Variants in PTPRT observed in about 807,000 individuals in gnomAD.
PTPRT encodes receptor-type tyrosine-protein phosphatase T.
Under a neutral mutation model 176.8 loss-of-function variants are expected in PTPRT, and 56 were observed. The observed-to-expected ratio is 0.32, with a 90% CI of 0.26 to 0.40. PTPRT has a LOEUF of 0.40. Among genes scored for constraint, PTPRT ranks in the 10% least tolerant of loss-of-function variants. The pLI is 1.00. For missense variants in PTPRT, 1,540 were observed against 1,908.2 expected (o/e 0.81, Z 3.60); for synonymous variants, 783 against 739.0 (o/e 1.06, Z -0.96).
intron 6 of PTPRT, among the ~76,000 whole-genome samples, chr20:42,745,077 G>A (rs1415609747): frequency 2.0e-5 from 3 of 152,188 alleles, no homozygotes; most frequent in East Asian, 1.9e-4. Flanking sequence ...ACCTTTTGCT[G>A]TATTTCCCTG....
At chr20:42,053,123 C>A in the PTPRT span, among the ~76,000 whole-genome samples, 1 of 152,122 alleles carries the variant, frequency 6.6e-6, no homozygotes, top group African/African-American at 2.4e-5. Context: ...TGAATTAGAG[C>A]TTGGGACCTG....
At chr20:42,677,676 C>A (rs2075529475) in intron 7 of PTPRT, among the ~76,000 whole-genome samples, 190 bp downstream of exon 7, 1 of 151,754 alleles carries the variant, frequency 6.6e-6, no homozygotes, top group South Asian at 2.1e-4. Context: ...GCAACCACAG[C>A]AAGAAGGTCC....
chr20:42,667,226 AG>A (rs1275739964), intron 7 of PTPRT, among the ~76,000 whole-genome samples: 6 of 152,174 alleles, frequency 3.9e-5, no homozygotes, highest in Admixed American at 1.3e-4. Flanking sequence ...AGAGCTTTGC[AG>A]CTGTGCAGTT....
chr20:42,559,741 C>A (rs2072919428), intron 7 of PTPRT, among the ~76,000 whole-genome samples: 1 of 152,184 alleles, frequency 6.6e-6, no homozygotes, highest in Non-Finnish European at 1.5e-5. Flanking sequence ...AATGTCAAAG[C>A]TGAAATAACC....
chr20:42,160,608 C>T (rs1989551400), intron 17 of PTPRT, among the ~76,000 whole-genome samples: 1 of 152,080 alleles, frequency 6.6e-6, no homozygotes, highest in South Asian at 2.1e-4. Context: ...GAGACCAGAA[C>T]CTTAGAAGGC....
chr20:42,057,130 T>C, the PTPRT span, among the ~76,000 whole-genome samples: 1 of 152,194 alleles, frequency 6.6e-6, no homozygotes, highest in African/African-American at 2.4e-5. Context: ...GACAGGCCCA[T>C]CCATGAAGGT....
At chr20:42,050,183 GA>G in the PTPRT span, among the ~76,000 whole-genome samples, 1 of 152,138 alleles carries the variant, frequency 6.6e-6, no homozygotes, top group South Asian at 2.1e-4. Flanking sequence ...GAGTGGGAGG[GA>G]AATCTCCCCT....
At chr20:42,351,341 G>T (rs2058280791) in intron 10 of PTPRT, among the ~76,000 whole-genome samples, 4 of 152,062 alleles carry the variant, frequency 2.6e-5, no homozygotes, top group African/African-American at 9.7e-5. Context: ...GCGTTATTTT[G>T]TAAAAACACG....
chr20:42,898,124 G>A (rs537255704), intron 1 of PTPRT, among the ~76,000 whole-genome samples: 2 of 152,328 alleles, frequency 1.3e-5, no homozygotes, highest in South Asian at 4.1e-4. Context: ...ACTACTGTGT[G>A]ACTTTGAATA....
chr20:42,430,172 G>C (rs2059203374), intron 9 of PTPRT, among the ~76,000 whole-genome samples: 1 of 152,106 alleles, frequency 6.6e-6, no homozygotes, highest in Non-Finnish European at 1.5e-5. Context: ...CACGGTCCAG[G>C]GTCCACGGTC....
chr20:42,398,964 A>G (rs2058878064), intron 9 of PTPRT, among the ~76,000 whole-genome samples: 1 of 152,194 alleles, frequency 6.6e-6, no homozygotes. Context: ...GTTGGTTAGG[A>G]CACTGATTCT....
chr20:42,426,196 G>A (rs1475958047), intron 9 of PTPRT, among the ~76,000 whole-genome samples: 1 of 151,960 alleles, frequency 6.6e-6, no homozygotes, highest in Non-Finnish European at 1.5e-5. Flanking sequence ...GCCCAAATGT[G>A]GCCTTTTGGC....
chr20:42,983,671 C>T (rs75742102), intron 1 of PTPRT, among the ~76,000 whole-genome samples: 1,751 of 152,326 alleles, frequency 0.011, 14 homozygotes, highest in Non-Finnish European at 0.019. Context: ...TGGCCAGAGG[C>T]CCTGCCCACA....
chr20:42,555,202 T>G (rs1166216889), intron 7 of PTPRT, among the ~76,000 whole-genome samples: 1 of 152,116 alleles, frequency 6.6e-6, no homozygotes, highest in Admixed American at 6.6e-5. Context: ...GAAGGAAGGA[T>G]TTAATGCTCA....
At chr20:42,084,079 C>T (rs1336944853) in intron 29 of PTPRT, among the ~76,000 whole-genome samples, 2 of 152,220 alleles carry the variant, frequency 1.3e-5, no homozygotes, top group African/African-American at 4.8e-5. Context: ...ATTCCACATA[C>T]CCAATGAACA....
chr20:42,042,607 C>T, the PTPRT span, among the ~76,000 whole-genome samples: 5 of 152,138 alleles, frequency 3.3e-5, no homozygotes, highest in African/African-American at 4.8e-5. Flanking sequence ...TCATCTGAGC[C>T]GCTCTTTGGC....
chr20:42,785,982 T>C lies in PTPRT; in HGVS notation c.486+5213A>G, dbSNP rs1001780285. 1.8e-4 allele frequency among the ~76,000 whole-genome samples: 28 copies of C among 152,126 alleles called. 1 individual carries two copies. The highest frequency in any genetic ancestry group is 1.1e-3 in the Admixed American group (17 of 15,282). ...GAGAGACGAACGTGGTGGGAGGTGA[T>C]TGGATCATGGGGGTGGTTTTCCCCA... is the stretch of plus-strand genomic sequence containing the variant. On this transcript the variant is annotated intron_variant, in intron 3 of 30. Transcript: ENST00000373187.
At chr20:42,556,049 T>C (rs1255314725) in intron 7 of PTPRT, among the ~76,000 whole-genome samples, 1 of 152,062 alleles carries the variant, frequency 6.6e-6, no homozygotes, top group Non-Finnish European at 1.5e-5. Context: ...CCCAGAGAAG[T>C]GATGTAACTC....
intron 27 of PTPRT, among the ~76,000 whole-genome samples, chr20:42,087,249 G>A (rs1369478787): frequency 6.6e-6 from 1 of 151,300 alleles, no homozygotes; most frequent in East Asian, 2.0e-4. Flanking sequence ...TATTATTTTT[G>A]AGACGGAGTC....
Sources: allele counts gnomAD v4.1 joint callset (sites outside exome capture counted in the v4.1 genomes callset), GRCh38; gene constraint gnomAD v4.1.1; transcripts MANE v1.5; gene names NCBI Gene and HGNC (gene_info 2026-07-23, HGNC 2026-07-21).